Variants in RASSF8 observed in about 807,000 individuals in gnomAD.
RASSF8 encodes Ras association domain family member 8, also known as ras association domain-containing protein 8.
A neutral mutation model predicts 48.5 loss-of-function variants in RASSF8; 22 were observed. The ratio of observed to expected loss-of-function variants is 0.45; its 90% CI spans 0.32 to 0.65. The LOEUF is 0.65. RASSF8 is among the 30% of genes least tolerant of loss of function. The pLI is 0.03. For synonymous variants in RASSF8, 127 were observed against 171.5 expected (o/e 0.74, Z 2.03); for missense variants, 418 against 489.2 (o/e 0.85, Z 1.37).
At chr12:26,058,955 A>G (rs146672587) in intron 3 of RASSF8, among the ~76,000 whole-genome samples, 274 of 152,276 alleles carry the variant, frequency 1.8e-3, no homozygotes, top group African/African-American at 6.4e-3. Flanking sequence ...GTGCACTCGG[A>G]GTTTGTCACT....
intron 2 of RASSF8, among the ~76,000 whole-genome samples, chr12:26,009,477 C>T (rs1342202313): frequency 6.6e-6 from 1 of 152,130 alleles, no homozygotes; most frequent in Non-Finnish European, 1.5e-5. Flanking sequence ...CTGTAGTGCA[C>T]AGGACTGTCC....
intron 2 of RASSF8, among the ~76,000 whole-genome samples, chr12:26,000,813 G>A (rs536749442): frequency 6.6e-6 from 1 of 152,184 alleles, no homozygotes; most frequent in East Asian, 1.9e-4. Context: ...AGATTTAAAA[G>A]TGGTACACCT....
intron 2 of RASSF8, among the ~76,000 whole-genome samples, chr12:26,027,672 A>T (rs1390205714): frequency 1.3e-5 from 2 of 152,234 alleles, no homozygotes; most frequent in African/African-American, 4.8e-5. Context: ...TAGATTGGAA[A>T]GTTACTAATC....
chr12:25,958,637 C>G (rs1167378794), upstream of RASSF8: 1 of 143,210 alleles, frequency 7.0e-6, no homozygotes, highest in Non-Finnish European at 1.5e-5. Context: ...CCTGGCCGCC[C>G]GGCCCGGCCC....
chr12:25,998,452 C>T (rs1942182270), intron 2 of RASSF8, among the ~76,000 whole-genome samples: 2 of 151,046 alleles, frequency 1.3e-5, no homozygotes, highest in African/African-American at 2.4e-5. Context: ...TGGGTTCAAG[C>T]GATTTTCCTG....
intron 2 of RASSF8, among the ~76,000 whole-genome samples, chr12:25,996,746 A>G (rs529274592): frequency 2.8e-4 from 42 of 152,280 alleles, no homozygotes; most frequent in Middle Eastern, 6.8e-3. Flanking sequence ...AAAAGGTTTT[A>G]AATAAATGAA....
At chr12:25,971,381 G>T (rs1941480238) in intron 1 of RASSF8, among the ~76,000 whole-genome samples, 1 of 152,118 alleles carries the variant, frequency 6.6e-6, no homozygotes, top group Admixed American at 6.6e-5. Flanking sequence ...CAGCCTTTCT[G>T]TTGTGGAACA....
intron 3 of RASSF8, among the ~76,000 whole-genome samples, chr12:26,056,270 C>T (rs2137247046): frequency 6.6e-6 from 1 of 152,278 alleles, no homozygotes; most frequent in Non-Finnish European, 1.5e-5. Flanking sequence ...ATGTTTTACC[C>T]TTTCTTCTTA....
chr12:26,038,886 C>CT, intron 2 of RASSF8, among the ~76,000 whole-genome samples: 1 of 152,296 alleles, frequency 6.6e-6, no homozygotes, highest in African/African-American at 2.4e-5. Flanking sequence ...CTACTTAGAG[C>CT]TTTGTGGTAC....
At chr12:26,078,992 A>C in intron 5 of RASSF8, 1 of 1,524,106 alleles carries the variant, frequency 6.6e-7, no homozygotes, top group Non-Finnish European at 8.8e-7. Context: ...CACCAACCTT[A>C]ACTCTTTTTT....
At position 25,999,621 on chromosome 12, in the gene RASSF8, C is replaced by T. The variant is rs1279765908; in HGVS notation, c.-109+4491C>T. The stretch of plus-strand genomic sequence containing the variant: ...TTGCAACCTGTAGTTCCAGCTACTC[C>T]GGAGGCTGAGGTGGGAGGATTACAC... On this transcript the variant is annotated intron_variant, in intron 2 of 5. Transcript: ENST00000689635. Among the ~76,000 whole-genome samples the T allele has an allele frequency of 2.6e-5, 4 of 152,026 alleles. No individual in the cohort carries two copies. In the South Asian group the frequency reaches 6.2e-4, roughly 24 times the overall value.
chr12:26,048,115 A>T (rs996869530), intron 2 of RASSF8, among the ~76,000 whole-genome samples: 1 of 152,236 alleles, frequency 6.6e-6, no homozygotes. Flanking sequence ...AACTATGTCA[A>T]GGGCAATTGA....
intron 2 of RASSF8, among the ~76,000 whole-genome samples, chr12:26,017,733 GCCC>G (rs1555165000): frequency 6.6e-6 from 1 of 152,248 alleles, no homozygotes; most frequent in Non-Finnish European, 1.5e-5. Context: ...GACTGGGGAA[GCCC>G]CCATGCCACA....
intron 2 of RASSF8, among the ~76,000 whole-genome samples, chr12:26,027,626 T>TG (rs1262151034): frequency 6.6e-6 from 1 of 152,242 alleles, no homozygotes; most frequent in Non-Finnish European, 1.5e-5. Flanking sequence ...TTCTGCTGTG[T>TG]GGTTGTGGCC....
chr12:26,073,758 C>CAA (rs1555171935), downstream of RASSF8, among the ~76,000 whole-genome samples: 5 of 132,064 alleles, frequency 3.8e-5, no homozygotes, highest in Admixed American at 3.3e-4. Flanking sequence ...TACACACACA[C>CAA]ACACACACAC....
intron 5 of RASSF8, among the ~76,000 whole-genome samples, chr12:26,077,891 A>T (rs1944085672): frequency 6.6e-6 from 1 of 152,242 alleles, no homozygotes; most frequent in South Asian, 2.1e-4. Context: ...ATGCAGGATC[A>T]TACTTTGTTA....
At chr12:26,004,827 C>T (rs2729654) in intron 2 of RASSF8, among the ~76,000 whole-genome samples, 107,732 of 151,828 alleles carry the variant, frequency 0.71, 38,304 homozygotes, top group South Asian at 0.77. Context: ...AGTCATTGTA[C>T]ATTTAAATTG....
rs1943951525 is a variant in RASSF8, at chr12:26,069,313, C to G, written c.*495C>G. 2 of 985,464 alleles carry G rather than the reference C, an allele frequency of 2.0e-6. No homozygotes were observed. Among genetic ancestry groups the G allele is most frequent in the South Asian group, 4.7e-5 (1 of 21,354 alleles). The allele number at this position is 985,464 out of a possible 1,614,324, so 61.0% of individuals were successfully genotyped here. ...TCCATCCATGCATTGCTGATTTACA[C>G]TACACAAGTGTCCTAGGGTGCTCCA... On this transcript the variant is annotated 3_prime_UTR_variant, in exon 6 of 6. Transcript: ENST00000689635.
chr12:25,969,261 T>C (rs1941430018), intron 1 of RASSF8, among the ~76,000 whole-genome samples: 1 of 152,174 alleles, frequency 6.6e-6, no homozygotes, highest in African/African-American at 2.4e-5. Flanking sequence ...CGGAGCTGGC[T>C]ACTGCGGTAA....
Sources: gnomAD v4.1 joint callset for allele counts (sites outside exome capture counted in the v4.1 genomes callset) on GRCh38, gnomAD v4.1.1 for gene constraint, MANE v1.5 for transcripts, NCBI Gene and HGNC (gene_info 2026-07-23, HGNC 2026-07-21) for gene names.